Variants in GALNT18 observed in about 807,000 individuals in gnomAD.
GALNT18 encodes the protein polypeptide N-acetylgalactosaminyltransferase 18.
Under a neutral mutation model 69.5 loss-of-function variants are expected in GALNT18, and 44 were observed. The observed-to-expected ratio is 0.63, with a 90% confidence interval of 0.50 to 0.81. The LOEUF (loss-of-function observed/expected upper bound fraction) is 0.81, where lower values mean the gene tolerates loss of function less well. GALNT18 is among the 40% of genes least tolerant of loss of function. The pLI, the probability that GALNT18 is intolerant of heterozygous loss-of-function variation, is 0.00. For missense variants in GALNT18, 715 were observed against 810.0 expected, an observed-to-expected ratio of 0.88 and a Z score of 1.42; for synonymous variants, 364 against 318.2, an observed-to-expected ratio of 1.14 and a Z score of -1.53.
intron 1 of GALNT18, among the ~76,000 whole-genome samples, chr11:11,557,094 T>C (rs1858349566): frequency 6.6e-6 from 1 of 152,170 alleles, no homozygotes; most frequent in Admixed American, 6.5e-5. Context: ...CCTATGAGGT[T>C]TCTCAGTCTA....
intron 10 of GALNT18, among the ~76,000 whole-genome samples, chr11:11,285,754 AAAGTC>A (rs1463005593): frequency 6.6e-6 from 1 of 152,210 alleles, no homozygotes; most frequent in Non-Finnish European, 1.5e-5. Context: ...GGAGCAGGAG[AAAGTC>A]AAGGACTCCT....
At chr11:11,330,248 C>A (rs1406591976) in intron 8 of GALNT18, among the ~76,000 whole-genome samples, 1 of 152,154 alleles carries the variant, frequency 6.6e-6, no homozygotes, top group Non-Finnish European at 1.5e-5. Flanking sequence ...TGAACAATGT[C>A]ATTTGGGCAT....
chr11:11,467,483 C>T (rs1343273613), intron 1 of GALNT18, among the ~76,000 whole-genome samples: 3 of 152,218 alleles, frequency 2.0e-5, no homozygotes, highest in African/African-American at 7.2e-5. Context: ...AGTCTGATGG[C>T]CAGATGCAGG....
At chr11:11,335,814 G>A (rs1404188195) in intron 7 of GALNT18, among the ~76,000 whole-genome samples, 1 of 152,074 alleles carries the variant, frequency 6.6e-6, no homozygotes, top group East Asian at 1.9e-4. Flanking sequence ...CACAACCAGG[G>A]ACCCCCTCAG....
chr11:11,544,440 C>T (rs1857999411), intron 1 of GALNT18, among the ~76,000 whole-genome samples: 1 of 152,190 alleles, frequency 6.6e-6, no homozygotes, highest in African/African-American at 2.4e-5. Flanking sequence ...TTTATTCAAA[C>T]AAAAATCAGT....
rs182890592 is a variant in GALNT18 at position 11,385,549 on chromosome 11, C to A, written c.596-6285G>T. 2.5e-3 allele frequency among the ~76,000 whole-genome samples: 386 copies of A among 152,214 alleles called. 1 individual carries two copies. The highest frequency in any genetic ancestry group is 4.2e-3 in the Non-Finnish European group (288 of 68,010). The stretch of plus-strand genomic sequence containing the variant: ...TGACCTTGTGATCTGCCCGCCTCGG[C>A]CTCCCAAAGTGCTGGGATTACAGGT... On this transcript the variant is annotated intron_variant, in intron 3 of 10. Transcript: ENST00000227756.
intron 1 of GALNT18, among the ~76,000 whole-genome samples, chr11:11,534,830 G>A (rs888145096): frequency 6.6e-6 from 1 of 152,234 alleles, no homozygotes; most frequent in African/African-American, 2.4e-5. Context: ...GTATGCTGGT[G>A]GCCTTTAAAT....
intron 1 of GALNT18, among the ~76,000 whole-genome samples, chr11:11,588,454 T>C (rs1859276387): frequency 6.6e-6 from 1 of 152,222 alleles, no homozygotes; most frequent in Non-Finnish European, 1.5e-5. Context: ...TACACCTTGA[T>C]TCCTGTGAAG....
chr11:11,501,257 GA>G (rs1156442344), intron 1 of GALNT18, among the ~76,000 whole-genome samples: 2 of 151,444 alleles, frequency 1.3e-5, no homozygotes, highest in South Asian at 4.1e-4. Context: ...GTTTGTGTTA[GA>G]AAAAAAAATT....
intron 1 of GALNT18, among the ~76,000 whole-genome samples, chr11:11,535,937 G>T (rs1857762401): frequency 6.6e-6 from 1 of 152,148 alleles, no homozygotes; most frequent in South Asian, 2.1e-4. Flanking sequence ...CAGAGAAGCT[G>T]TGTGAAATCA....
chr11:11,376,804 T>G (rs1047554826), intron 5 of GALNT18, among the ~76,000 whole-genome samples: 1 of 152,218 alleles, frequency 6.6e-6, no homozygotes, highest in Non-Finnish European at 1.5e-5. Context: ...TTCCCCGCTT[T>G]CAATGCAGTT....
chr11:11,469,354 G>T lies in GALNT18; in HGVS notation c.236-20418C>A, dbSNP rs978068323. 1.1e-4 allele frequency among the ~76,000 whole-genome samples: 16 copies of T among 152,142 alleles called. No homozygotes were observed. The highest frequency in any genetic ancestry group is 1.5e-5 in the Non-Finnish European group (1 of 68,034). On this transcript the variant is annotated intron_variant, in intron 1 of 10. Coordinates refer to ENST00000227756, the MANE Select transcript of GALNT18 (RefSeq NM_198516.3). This position sits in a 1 kb window ranked among gnomAD's most constrained non-coding sequence, Gnocchi z 4.2. ...TGCCCCTCATTATAAGCACTTCCAA[G>T]CTTCACAGCAATAGACAGTCCTCGT...
At chr11:11,363,328 T>C (rs1850683823) in intron 6 of GALNT18, among the ~76,000 whole-genome samples, 1 of 152,176 alleles carries the variant, frequency 6.6e-6, no homozygotes, top group Non-Finnish European at 1.5e-5. Flanking sequence ...ATCATACTTC[T>C]TAGGTTGGTA....
chr11:11,471,922 G>T (rs1401337007), intron 1 of GALNT18, among the ~76,000 whole-genome samples: 1 of 152,234 alleles, frequency 6.6e-6, no homozygotes, highest in Admixed American at 6.5e-5. Context: ...TTGTCTGGGG[G>T]CCATGAAGGG....
At position 11,603,311 on chromosome 11, in the gene GALNT18, T is replaced by C. The variant is rs183837000; in HGVS notation, c.235+18048A>G. On this transcript the variant is annotated intron_variant, in intron 1 of 10. Coordinates refer to ENST00000227756, the MANE Select transcript of GALNT18 (RefSeq NM_198516.3). The surrounding 1 kb of genome is among the most constrained non-coding windows in gnomAD (Gnocchi z 4.5). ...CACTGGCTCAGTTACCACCTCAGCG[T>C]TCAGAATCTAGAGAGTTTTCTAGAT... Among the ~76,000 whole-genome samples, 11 of 152,352 alleles carry C rather than the reference T, an allele frequency of 7.2e-5. No homozygotes were observed. Among genetic ancestry groups the C allele is most frequent in the Admixed American group, 3.9e-4 (6 of 15,302 alleles).
rs56791321 is a variant in GALNT18 at position 11,497,750 on chromosome 11, CTA to C, written c.236-48816_236-48815del. Among the ~76,000 whole-genome samples the C allele has an allele frequency of 1.5e-4, 22 of 144,898 alleles. No individual in the cohort carries two copies. The highest frequency in any genetic ancestry group is 2.3e-4 in the African/African-American group (9 of 39,352). Reference sequence around the variant, plus strand: ...ATGTGTATGTGCATATACATATTTTCTATATATATATATATATACACACACAC... The same window carrying C: ...ATGTGTATGTGCATATACATATTTTCTATATATATATATATACACACACAC... On this transcript the variant is annotated intron_variant, in intron 1 of 10. Transcript: ENST00000227756. This position sits in a 1 kb window ranked among gnomAD's most constrained non-coding sequence, Gnocchi z 4.2.
At chr11:11,294,191 G>A (rs976934292) in intron 9 of GALNT18, among the ~76,000 whole-genome samples, 60 of 152,338 alleles carry the variant, frequency 3.9e-4, no homozygotes, top group Non-Finnish European at 4.0e-4. Context: ...CCAGGTCCAA[G>A]TTTCCAAGGG....
At chr11:11,425,586 G>T (rs1049528963) in intron 3 of GALNT18, among the ~76,000 whole-genome samples, 6 of 152,194 alleles carry the variant, frequency 3.9e-5, no homozygotes, top group African/African-American at 1.4e-4. Context: ...AGTTCAAAAA[G>T]GAAGCAGAAA....
chr11:11,394,810 T>C (rs534451710), intron 3 of GALNT18, among the ~76,000 whole-genome samples: 1 of 152,198 alleles, frequency 6.6e-6, no homozygotes, highest in East Asian at 1.9e-4. Context: ...CCTTCCTGAC[T>C]ACATCCTGGC....
Sources: allele counts gnomAD v4.1 joint callset (sites outside exome capture counted in the v4.1 genomes callset), GRCh38; gene constraint gnomAD v4.1.1; non-coding constraint Gnocchi (gnomAD v3.1); transcripts MANE v1.5; gene names NCBI Gene and HGNC (gene_info 2026-07-23, HGNC 2026-07-21).